Variants in WDFY4 observed in about 807,000 individuals in gnomAD.
WDFY4 encodes the protein WDFY family member 4, also known as WD repeat- and FYVE domain-containing protein 4.
A neutral mutation model predicts 351.9 loss-of-function variants in WDFY4; 169 were observed. That is an observed-to-expected ratio of 0.48 (90% CI 0.42 to 0.55). The LOEUF (loss-of-function observed/expected upper bound fraction) is 0.55, where lower values mean the gene tolerates loss of function less well. WDFY4 is among the 20% of genes least tolerant of loss of function. The pLI is 0.00. For missense variants in WDFY4, 3,803 were observed against 3,935.6 expected (o/e 0.97, Z 0.90); for synonymous variants, 1,622 against 1,574.6 (o/e 1.03, Z -0.71).
chr10:48,910,376 T>G lies in WDFY4; in HGVS notation c.7586+8513T>G, dbSNP rs377005374. On this transcript the variant is annotated intron_variant, in intron 47 of 61. Coordinates refer to ENST00000325239, the MANE Select transcript of WDFY4 (RefSeq NM_001394531.1). ...ATGCCTGACCTTCAGGATGGTCAGG[T>G]TAGTGTGAATGGGGGTTTTGTTGTA... 15 of 845,122 alleles carry G rather than the reference T, an allele frequency of 1.8e-5. No individual in the cohort carries two copies. In the East Asian group the frequency reaches 3.4e-4, roughly 19 times the overall value. 52.4% of individuals were successfully genotyped at this position (845,122 alleles called of 1,614,324 possible).
intron 47 of WDFY4, chr10:48,935,148 C>T (rs1395739139): frequency 1.3e-5 from 2 of 152,208 alleles, no homozygotes; most frequent in Non-Finnish European, 2.9e-5. Context: ...AATCGATAAG[C>T]GCAGGGCCGC....
At chr10:48,790,683 G>A (rs1468483477) in intron 22 of WDFY4, 44 bp from the exon 23 acceptor site, 3 of 1,535,562 alleles carry the variant, frequency 2.0e-6, no homozygotes, top group African/African-American at 2.7e-5. Flanking sequence ...CCATTGCAAT[G>A]AAGCTGTGAC....
intron 13 of WDFY4, among the ~76,000 whole-genome samples, chr10:48,765,847 G>C (rs942159288): frequency 4.6e-5 from 7 of 152,180 alleles, no homozygotes; most frequent in African/African-American, 1.4e-4. Context: ...AGATCTAAAG[G>C]CTGCAGTGAA....
chr10:48,784,161 G>A (rs943663352), intron 19 of WDFY4, among the ~76,000 whole-genome samples: 9 of 152,170 alleles, frequency 5.9e-5, no homozygotes, highest in Admixed American at 4.6e-4. Context: ...TTTGTGTACA[G>A]GTTTTTGTGT....
chr10:48,820,127 C>T, intron 32 of WDFY4, 107 bp from the exon 33 acceptor site: 2 of 1,266,034 alleles, frequency 1.6e-6, no homozygotes, highest in Non-Finnish European at 2.2e-6. Flanking sequence ...AATTTCCGTA[C>T]ATGTCACTGG....
At position 48,911,644 on chromosome 10, in the gene WDFY4, G is replaced by A. The variant is rs75573783; in HGVS notation, c.7586+9781G>A. The stretch of plus-strand genomic sequence containing the variant: ...TTTCAAAGCAGGACAGAAATGACAG[G>A]AATGCTATAATTTTAACTATGTATA... On this transcript the variant is annotated intron_variant, in intron 47 of 61. Coordinates refer to ENST00000325239, the MANE Select transcript of WDFY4 (RefSeq NM_001394531.1). Among the ~76,000 whole-genome samples, 155 of 152,224 alleles carry A rather than the reference G, an allele frequency of 1.0e-3. 5 individuals carry two copies. The East Asian group carries it at 0.026, about 26-fold the overall frequency.
intron 47 of WDFY4, among the ~76,000 whole-genome samples, chr10:48,929,059 G>A (rs942896496): frequency 3.9e-5 from 6 of 152,316 alleles, no homozygotes; most frequent in African/African-American, 1.4e-4. Flanking sequence ...AGAGTTGGAA[G>A]ATGCGCTTTT....
In WDFY4 at chr10:48,750,740, T is replaced by G. The variant is rs1589519742; in HGVS notation, c.2459+7192T>G. ...AATGGATGCCAAGGACATCAGCCAC[T>G]TAAGTCGTCTCTTCCCCATCTGCTA... is the stretch of plus-strand genomic sequence containing the variant. On this transcript the variant is annotated intron_variant, in intron 12 of 61. Coordinates refer to ENST00000325239, the MANE Select transcript of WDFY4 (RefSeq NM_001394531.1). Among the ~76,000 whole-genome samples, 3 of 152,362 alleles carry G rather than the reference T, an allele frequency of 2.0e-5. No individual in the cohort carries two copies. The South Asian group carries it at 6.2e-4, about 32-fold the overall frequency.
At chr10:48,946,001 G>A (rs1334671543) in intron 49 of WDFY4, 39 bp from the exon 50 acceptor site, 1 of 1,415,158 alleles carries the variant, frequency 7.1e-7, no homozygotes, top group Admixed American at 2.5e-5. Flanking sequence ...GCACAAGCGG[G>A]TCTGGGGAGT....
At chr10:48,801,327 T>C (rs984058846) in intron 24 of WDFY4, among the ~76,000 whole-genome samples, 5 of 152,138 alleles carry the variant, frequency 3.3e-5, no homozygotes, top group Non-Finnish European at 7.4e-5. Context: ...GGAAAGGAAA[T>C]GTGAGAGGCT....
At chr10:48,873,916 G>A (rs1045910725) in intron 41 of WDFY4, among the ~76,000 whole-genome samples, 1 of 152,194 alleles carries the variant, frequency 6.6e-6, no homozygotes, top group Non-Finnish European at 1.5e-5. Context: ...ACTACAGCCT[G>A]CATGAATGAA....
chr10:48,974,519 A>AAAAAAAAAAAAAAACAAAAAAAAAAAAAC (rs1352344126), intron 57 of WDFY4, among the ~76,000 whole-genome samples: 1 of 49,924 alleles, frequency 2.0e-5, no homozygotes, highest in Non-Finnish European at 3.6e-5. Context: ...AAAAAAAAAA[A>AAAAAAAAAAAAAAACAAAAAAAAAAAAAC]AAAAAAAAAA....
intron 23 of WDFY4, among the ~76,000 whole-genome samples, chr10:48,795,824 T>C (rs2066855577): frequency 6.6e-6 from 1 of 151,902 alleles, no homozygotes; most frequent in South Asian, 2.1e-4. Context: ...ACAAGCTGGG[T>C]CACCAAATGT....
chr10:48,787,960 CTTCTTCTTCTTCTTCTTCTT>C (rs2066533118), intron 20 of WDFY4, among the ~76,000 whole-genome samples: 4 of 126,418 alleles, frequency 3.2e-5, no homozygotes, highest in South Asian at 2.6e-4. Flanking sequence ...TCTTCTTCTT[CTTCTTCTTCTTCTTCTTCTT>C]CTTCTCCTTC....
At position 48,796,469 on chromosome 10, in the gene WDFY4, C is replaced by G. The variant is rs1047472727; in HGVS notation, c.4410+19C>G. Reference sequence around the variant, plus strand: ...TTTCGAGGTAAATCAGAGATTGGCCCTTAGTCCTTCAGGAGTGTGTGTGAT... The same window carrying G: ...TTTCGAGGTAAATCAGAGATTGGCCGTTAGTCCTTCAGGAGTGTGTGTGAT... On this transcript the variant is annotated intron_variant, in intron 24 of 61. Transcript: ENST00000325239. The G allele has an allele frequency of 4.5e-6, 7 of 1,547,492 alleles. No individual in the cohort carries two copies. Among genetic ancestry groups the G allele is most frequent in the Non-Finnish European group, 6.1e-6 (7 of 1,146,688 alleles).
chr10:48,830,341 C>T (rs2133056713), intron 37 of WDFY4, among the ~76,000 whole-genome samples: 1 of 152,176 alleles, frequency 6.6e-6, no homozygotes, highest in South Asian at 2.1e-4. Flanking sequence ...ATTTGACTAC[C>T]CTGAGATCAC....
intron 39 of WDFY4, among the ~76,000 whole-genome samples, chr10:48,859,211 CT>C (rs959374083): frequency 5.9e-5 from 9 of 152,070 alleles, no homozygotes; most frequent in Non-Finnish European, 8.8e-5. Flanking sequence ...ATGGCTTTTA[CT>C]TTTTTTCTTG....
At chr10:48,856,068 T>C (rs1306214223) in intron 39 of WDFY4, among the ~76,000 whole-genome samples, 2 of 152,122 alleles carry the variant, frequency 1.3e-5, no homozygotes, top group Non-Finnish European at 2.9e-5. Context: ...ACAAAAAATG[T>C]AAGAAAAGTG....
chr10:48,759,661 C>T (rs1589537269), intron 12 of WDFY4, among the ~76,000 whole-genome samples: 1 of 152,276 alleles, frequency 6.6e-6, no homozygotes, highest in Middle Eastern at 3.4e-3. Context: ...ACCTGTAAAA[C>T]CTCCTTTCCT....
Sources: allele counts gnomAD v4.1 joint callset (sites outside exome capture counted in the v4.1 genomes callset), GRCh38; gene constraint gnomAD v4.1.1; transcripts MANE v1.5; gene names NCBI Gene and HGNC (gene_info 2026-07-23, HGNC 2026-07-21).